Variants in MAPKAP1 observed in about 807,000 individuals in gnomAD.
MAPKAP1 encodes MAPK associated protein 1.
MAPKAP1 carries 20 observed loss-of-function variants against 65.7 expected under a neutral mutation model. The observed-to-expected ratio is 0.30, with a 90% confidence interval of 0.21 to 0.44. MAPKAP1 has a LOEUF of 0.44. Ranked by LOEUF, MAPKAP1 falls within the 20% of genes least tolerant of loss-of-function variation. The pLI is 1.00. For synonymous variants in MAPKAP1, 222 were observed against 244.3 expected, an observed-to-expected ratio of 0.91 and a Z score of 0.85; for missense variants, 423 against 648.0, an observed-to-expected ratio of 0.65 and a Z score of 3.77.
chr9:125,514,002 C>T (rs867721872), intron 7 of MAPKAP1, among the ~76,000 whole-genome samples: 23 of 152,312 alleles, frequency 1.5e-4, no homozygotes, highest in Admixed American at 6.5e-4. Flanking sequence ...TCAGAACCCA[C>T]AGAACAAACC....
intron 10 of MAPKAP1, among the ~76,000 whole-genome samples, chr9:125,449,617 A>G (rs904460156): frequency 5.3e-5 from 8 of 152,214 alleles, no homozygotes; most frequent in African/African-American, 1.9e-4. Flanking sequence ...AGTAAGACAG[A>G]GAAGATAGAA....
chr9:125,704,663 C>G (rs1043236352), intron 1 of MAPKAP1, among the ~76,000 whole-genome samples: 1 of 152,194 alleles, frequency 6.6e-6, no homozygotes, highest in Non-Finnish European at 1.5e-5. Context: ...GCCTGGTACT[C>G]AAGCCCTCAC....
chr9:125,555,846 A>G (rs1486192992), intron 6 of MAPKAP1, among the ~76,000 whole-genome samples: 1 of 152,178 alleles, frequency 6.6e-6, no homozygotes, highest in African/African-American at 2.4e-5. Flanking sequence ...AGTTATTCCA[A>G]TTCAGCTTTT....
chr9:125,537,919 G>A (rs1374731464), intron 7 of MAPKAP1, among the ~76,000 whole-genome samples: 1 of 152,090 alleles, frequency 6.6e-6, no homozygotes, highest in South Asian at 2.1e-4. Context: ...GTCCACAGTG[G>A]GTCACAGGCT....
At chr9:125,652,198 T>G (rs537429364) in intron 4 of MAPKAP1, 1 of 1,322,708 alleles carries the variant, frequency 7.6e-7, no homozygotes, top group African/African-American at 1.5e-5. Context: ...GAGAGCTATT[T>G]AATGCCAATG....
chr9:125,498,002 C>T (rs1287017634), intron 8 of MAPKAP1, among the ~76,000 whole-genome samples: 1 of 152,194 alleles, frequency 6.6e-6, no homozygotes, highest in African/African-American at 2.4e-5. Flanking sequence ...TATATAGAAG[C>T]TTGGACAAGA....
At chr9:125,568,742 A>G (rs140752670) in intron 5 of MAPKAP1, 1,702 of 153,220 alleles carry the variant, frequency 0.011, 41 homozygotes, top group African/African-American at 0.038. Flanking sequence ...AAAAAAAATA[A>G]TTTTCCTTTA....
chr9:125,647,641 G>A (rs552765930), intron 4 of MAPKAP1, among the ~76,000 whole-genome samples: 5 of 152,352 alleles, frequency 3.3e-5, no homozygotes, highest in African/African-American at 1.2e-4. Flanking sequence ...GATCATTCAT[G>A]TAAAGTATAG....
At chr9:125,674,110 T>C (rs1383878861) in intron 1 of MAPKAP1, among the ~76,000 whole-genome samples, 2 of 152,090 alleles carry the variant, frequency 1.3e-5, no homozygotes, top group African/African-American at 4.8e-5. Context: ...CCTGGCCCTA[T>C]TACTCGTTAG....
chr9:125,624,020 T>G (rs867047357), intron 4 of MAPKAP1, among the ~76,000 whole-genome samples: 1 of 11,764 alleles, frequency 8.5e-5, no homozygotes, highest in African/African-American at 1.6e-4. Flanking sequence ...CCGCCCCGTC[T>G]GGGAGGGAGG....
intron 4 of MAPKAP1, among the ~76,000 whole-genome samples, chr9:125,590,736 T>G (rs946146048): frequency 6.6e-6 from 1 of 152,076 alleles, no homozygotes; most frequent in Non-Finnish European, 1.5e-5. Context: ...CCTAATTATA[T>G]CATTTAATTC....
At chr9:125,700,924 T>C (rs1272385299) in intron 1 of MAPKAP1, among the ~76,000 whole-genome samples, 2 of 152,176 alleles carry the variant, frequency 1.3e-5, no homozygotes, top group Admixed American at 6.5e-5. Context: ...TGAGTACATA[T>C]AGTCAATAGG....
chr9:125,693,666 C>CGTATACATACACGTAT (rs1488253193), intron 1 of MAPKAP1, among the ~76,000 whole-genome samples: 6,025 of 134,334 alleles, frequency 0.045, 998 homozygotes, highest in African/African-American at 0.17. Flanking sequence ...CATACACACA[C>CGTATACATACACGTAT]ATATACACGT....
At chr9:125,569,929 C>T (rs1831176188) in intron 5 of MAPKAP1, among the ~76,000 whole-genome samples, 1 of 152,160 alleles carries the variant, frequency 6.6e-6, no homozygotes. Context: ...CTTTAGTAAT[C>T]TTTGGGAAAT....
intron 8 of MAPKAP1, among the ~76,000 whole-genome samples, chr9:125,497,400 A>G (rs571331034): frequency 6.6e-6 from 1 of 152,338 alleles, no homozygotes; most frequent in East Asian, 1.9e-4. Context: ...AGGAAATACA[A>G]TAATTAGATT....
At chr9:125,548,832 T>C (rs925922615) in intron 6 of MAPKAP1, among the ~76,000 whole-genome samples, 1 of 152,202 alleles carries the variant, frequency 6.6e-6, no homozygotes, top group Non-Finnish European at 1.5e-5. Flanking sequence ...CTAGAAAAGA[T>C]AGGTGTTATT....
intron 4 of MAPKAP1, among the ~76,000 whole-genome samples, chr9:125,594,611 A>C (rs1325018276): frequency 6.6e-6 from 1 of 152,218 alleles, no homozygotes; most frequent in Non-Finnish European, 1.5e-5. Context: ...GTAGAAGACG[A>C]AATAAATTCC....
chr9:125,644,719 C>A (rs759067973), intron 4 of MAPKAP1, among the ~76,000 whole-genome samples: 1 of 152,164 alleles, frequency 6.6e-6, no homozygotes, highest in Admixed American at 6.5e-5. Flanking sequence ...GAAACTGGTT[C>A]TATTTTAATT....
chr9:125,693,698 CGTAT>C (rs1564620242), intron 1 of MAPKAP1, among the ~76,000 whole-genome samples: 997 of 92,950 alleles, frequency 0.011, 86 homozygotes, highest in African/African-American at 0.037. Flanking sequence ...TATATATACA[CGTAT>C]ATATACACAT....
Sources: gnomAD v4.1 joint callset for allele counts (sites outside exome capture counted in the v4.1 genomes callset) on GRCh38, gnomAD v4.1.1 for gene constraint, MANE v1.5 for transcripts, NCBI Gene and HGNC (gene_info 2026-07-23, HGNC 2026-07-21) for gene names.